CTNNA2: variants seen among roughly 807,000 people sequenced by gnomAD.
CTNNA2 encodes catenin alpha-2.
Under a neutral mutation model 101.0 loss-of-function variants are expected in CTNNA2, and 42 were observed. The observed-to-expected ratio is 0.42, with a 90% CI of 0.32 to 0.54. The LOEUF is 0.54. Ranked by LOEUF, CTNNA2 falls within the 20% of genes least tolerant of loss-of-function variation. CTNNA2 has a pLI of 0.14. For missense variants in CTNNA2, 871 were observed against 1,223.1 expected, an observed-to-expected ratio of 0.71 and a Z score of 4.29; for synonymous variants, 450 against 456.4, an observed-to-expected ratio of 0.99 and a Z score of 0.18.
intron 4 of CTNNA2, among the ~76,000 whole-genome samples, chr2:79,477,494 T>C (rs568411101): frequency 1.1e-4 from 16 of 152,272 alleles, no homozygotes; most frequent in African/African-American, 3.8e-4. Flanking sequence ...CTAACTCCCT[T>C]CTTTACCTCC....
intron 7 of CTNNA2, among the ~76,000 whole-genome samples, chr2:79,936,791 A>G (rs907379859): frequency 6.6e-6 from 1 of 152,190 alleles, no homozygotes; most frequent in African/African-American, 2.4e-5. Context: ...AATCATGAAT[A>G]AACATTAGAT....
intron 3 of CTNNA2, among the ~76,000 whole-genome samples, chr2:79,805,655 T>C (rs909089648): frequency 5.3e-5 from 8 of 152,122 alleles, no homozygotes; most frequent in Non-Finnish European, 8.8e-5. Flanking sequence ...GATGATAAGT[T>C]GGCTGGGCAC....
intron 7 of CTNNA2, among the ~76,000 whole-genome samples, chr2:80,375,562 C>A (rs372886763): frequency 3.8e-5 from 4 of 105,602 alleles, no homozygotes; most frequent in South Asian, 3.3e-4. Flanking sequence ...TTTCTGGCTT[C>A]TTTTTTTTTT....
chr2:79,646,292 A>G (rs1558799400), intron 1 of CTNNA2, among the ~76,000 whole-genome samples: 1 of 152,198 alleles, frequency 6.6e-6, no homozygotes, highest in Non-Finnish European at 1.5e-5. Context: ...ACGCTGTCCA[A>G]GGAAACAAGC....
At position 79,679,565 on chromosome 2, in the gene CTNNA2, C is replaced by G. The variant is rs115427940; in HGVS notation, c.102+27907C>G. On this transcript the variant is annotated intron_variant, in intron 2 of 18. Coordinates refer to ENST00000402739, the MANE Select transcript of CTNNA2 (RefSeq NM_001282597.3). ...GCATGCAGCTGTAAACCGCCCCATGCTGGAGCCCCTTTCCCATCTCTGTGG... is the reference window on the plus strand; with the variant it reads ...GCATGCAGCTGTAAACCGCCCCATGGTGGAGCCCCTTTCCCATCTCTGTGG... Among the ~76,000 whole-genome samples, 760 of 152,166 alleles carry G rather than the reference C, an allele frequency of 5.0e-3. 8 individuals are homozygous for G. The highest frequency in any genetic ancestry group is 0.018 in the African/African-American group (730 of 41,514).
intron 1 of CTNNA2, among the ~76,000 whole-genome samples, chr2:79,588,394 G>C (rs765516573): frequency 6.6e-6 from 1 of 152,090 alleles, no homozygotes. Context: ...GTTATTTGTT[G>C]TAATAATCTT....
chr2:80,097,147 G>A (rs1043228997), intron 7 of CTNNA2, among the ~76,000 whole-genome samples: 2 of 152,174 alleles, frequency 1.3e-5, no homozygotes, highest in Non-Finnish European at 2.9e-5. Flanking sequence ...GCTGGTACCG[G>A]TTGTTCCTTT....
intron 1 of CTNNA2, among the ~76,000 whole-genome samples, chr2:79,546,991 G>A (rs1673774295): frequency 6.6e-6 from 1 of 151,804 alleles, no homozygotes; most frequent in Admixed American, 6.6e-5. Context: ...TTTGTGAAAA[G>A]AACGCTTGAT....
At chr2:80,197,365 T>C (rs1706907202) in intron 7 of CTNNA2, among the ~76,000 whole-genome samples, 1 of 152,234 alleles carries the variant, frequency 6.6e-6, no homozygotes, top group African/African-American at 2.4e-5. Context: ...GTATCGCTTC[T>C]TTCCCTACTC....
intron 2 of CTNNA2, among the ~76,000 whole-genome samples, chr2:79,267,027 G>C (rs918467366): frequency 6.6e-6 from 1 of 152,014 alleles, no homozygotes; most frequent in Non-Finnish European, 1.5e-5. Flanking sequence ...AGCAAGTCTC[G>C]TATGCTAAAG....
At chr2:79,477,632 T>C (rs1227249255) in intron 4 of CTNNA2, among the ~76,000 whole-genome samples, 1 of 152,264 alleles carries the variant, frequency 6.6e-6, no homozygotes, top group Non-Finnish European at 1.5e-5. Context: ...CACAGCTCAA[T>C]GGTGCCTTTG....
At chr2:79,377,000 C>G (rs1161850267) in intron 4 of CTNNA2, among the ~76,000 whole-genome samples, 1 of 151,634 alleles carries the variant, frequency 6.6e-6, no homozygotes, top group Non-Finnish European at 1.5e-5. Flanking sequence ...GGTATATACC[C>G]AGTAATGGGA....
chr2:80,206,860 C>A (rs1707566368), intron 7 of CTNNA2, among the ~76,000 whole-genome samples: 1 of 152,174 alleles, frequency 6.6e-6, no homozygotes, highest in African/African-American at 2.4e-5. Flanking sequence ...TCTTTCATGG[C>A]CATCTGATGT....
rs1412602333 is a variant in CTNNA2 at position 79,658,987 on chromosome 2, A to G, written c.102+7329A>G. On this transcript the variant is annotated intron_variant, in intron 2 of 18. Transcript: ENST00000402739. ...AAACATTTTAAAAGTTAAAATTTCA[A>G]TTTTATATTTTTAAAAAGTAATCAA... Among the ~76,000 whole-genome samples, 7 of 152,124 alleles carry G rather than the reference A, an allele frequency of 4.6e-5. No homozygotes were observed. In the South Asian group the frequency reaches 1.2e-3, roughly 27 times the overall value.
chr2:79,220,591 A>T (rs1674329604), intron 2 of CTNNA2, among the ~76,000 whole-genome samples: 2 of 152,018 alleles, frequency 1.3e-5, no homozygotes, highest in Non-Finnish European at 2.9e-5. Context: ...GCGATACAAG[A>T]TTGTTTAGAG....
intron 2 of CTNNA2, among the ~76,000 whole-genome samples, chr2:79,744,037 G>C (rs1437651969): frequency 6.6e-6 from 1 of 152,020 alleles, no homozygotes; most frequent in African/African-American, 2.4e-5. Context: ...TATTTGCTTT[G>C]CTTCCTTGCC....
intron 4 of CTNNA2, among the ~76,000 whole-genome samples, chr2:79,379,898 T>C (rs557507301): frequency 6.6e-6 from 1 of 152,292 alleles, no homozygotes; most frequent in East Asian, 1.9e-4. Flanking sequence ...GAAGTAAATA[T>C]AGACAAATTC....
At chr2:79,505,688 A>G (rs1671397190) in intron 5 of CTNNA2, among the ~76,000 whole-genome samples, 2 of 152,200 alleles carry the variant, frequency 1.3e-5, no homozygotes, top group Admixed American at 1.3e-4. Flanking sequence ...ACCTCAGGCT[A>G]AAGCATGTGG....
At chr2:80,216,384 C>T (rs1033785637) in intron 7 of CTNNA2, among the ~76,000 whole-genome samples, 1 of 152,166 alleles carries the variant, frequency 6.6e-6, no homozygotes, top group Non-Finnish European at 1.5e-5. Flanking sequence ...TCAGCAGGCA[C>T]AGCAGTTTAA....
Sources: gnomAD v4.1 joint callset for allele counts (sites outside exome capture counted in the v4.1 genomes callset) on GRCh38, gnomAD v4.1.1 for gene constraint, MANE v1.5 for transcripts, NCBI Gene and HGNC (gene_info 2026-07-23, HGNC 2026-07-21) for gene names.